The following ROBO1 variants were observed in gnomAD, a reference collection of about 807,000 sequenced individuals.
The protein encoded by ROBO1 is roundabout homolog 1.
Under a neutral mutation model 195.9 loss-of-function variants are expected in ROBO1, and 149 were observed. The ratio of observed to expected loss-of-function variants is 0.76; its 90% CI spans 0.67 to 0.87. ROBO1 has a LOEUF of 0.87. Among genes scored for constraint, ROBO1 ranks in the 40% least tolerant of loss-of-function variants. ROBO1 has a pLI of 0.00. For synonymous variants in ROBO1, 816 were observed against 733.2 expected (o/e 1.11, Z -1.82); for missense variants, 1,933 against 2,068.3 (o/e 0.93, Z 1.27).
intron 1 of ROBO1, among the ~76,000 whole-genome samples, chr3:79,608,278 TTA>T (rs1560033805): frequency 6.6e-6 from 1 of 151,984 alleles, no homozygotes; most frequent in East Asian, 1.9e-4. Flanking sequence ...TTCTCTGATA[TTA>T]TGTTTGCTCA....
rs534016021 is a variant in ROBO1 at position 78,935,460 on chromosome 3, A to G, written c.499+3141T>C. ...ATGTAATTATCCAAGATCAAATTACATATTAAATATAAGTTGTGTCAAAGA... is the reference window on the plus strand; with the variant it reads ...ATGTAATTATCCAAGATCAAATTACGTATTAAATATAAGTTGTGTCAAAGA... On this transcript the variant is annotated intron_variant, in intron 4 of 30. Transcript: ENST00000464233. 3.3e-5 allele frequency among the ~76,000 whole-genome samples: 5 copies of G among 152,206 alleles called. No individual in the cohort carries two copies. In the South Asian group the frequency reaches 8.3e-4, roughly 25 times the overall value.
chr3:79,176,165 G>A (rs996391210), intron 2 of ROBO1, among the ~76,000 whole-genome samples: 1 of 152,134 alleles, frequency 6.6e-6, no homozygotes, highest in Non-Finnish European at 1.5e-5. Context: ...TTTCTGAAAT[G>A]CAAGAGTGTG....
chr3:78,935,143 T>C (rs1306183180), intron 4 of ROBO1, among the ~76,000 whole-genome samples: 1 of 152,094 alleles, frequency 6.6e-6, no homozygotes, highest in Non-Finnish European at 1.5e-5. Flanking sequence ...AAGCAATTAC[T>C]ATTAAAAAGC....
At chr3:79,113,254 T>C (rs913116901) in intron 3 of ROBO1, among the ~76,000 whole-genome samples, 2 of 152,196 alleles carry the variant, frequency 1.3e-5, no homozygotes, top group East Asian at 1.9e-4. Context: ...AGTCAAAAGA[T>C]AGAATTTTAT....
chr3:79,205,147 C>T (rs751187763), intron 2 of ROBO1, among the ~76,000 whole-genome samples: 1 of 151,944 alleles, frequency 6.6e-6, no homozygotes, highest in African/African-American at 2.4e-5. Flanking sequence ...CGCGCACCAC[C>T]ATATCCGGTT....
chr3:79,412,551 G>C (rs1248871940), intron 2 of ROBO1, among the ~76,000 whole-genome samples: 2 of 152,242 alleles, frequency 1.3e-5, no homozygotes, highest in South Asian at 4.1e-4. Context: ...CTTGTTCACA[G>C]AGCTCTGACA....
At chr3:79,151,245 T>C (rs935824984) in intron 2 of ROBO1, among the ~76,000 whole-genome samples, 3 of 151,768 alleles carry the variant, frequency 2.0e-5, no homozygotes, top group Non-Finnish European at 4.4e-5. Flanking sequence ...GTGTCTTTAT[T>C]AGCAGCATGA....
intron 1 of ROBO1, among the ~76,000 whole-genome samples, chr3:79,728,566 A>AT (rs898131121): frequency 4.6e-5 from 7 of 152,192 alleles, no homozygotes; most frequent in African/African-American, 1.7e-4. Flanking sequence ...AATAAATCAC[A>AT]TTTTAATACT....
chr3:79,483,814 C>T (rs530203422), intron 2 of ROBO1, among the ~76,000 whole-genome samples: 3 of 151,304 alleles, frequency 2.0e-5, no homozygotes, highest in East Asian at 2.0e-4. Context: ...GGATCTGGGA[C>T]GGGGTTGGGG....
chr3:78,648,380 C>T (rs1045815367), intron 19 of ROBO1, among the ~76,000 whole-genome samples: 2 of 152,022 alleles, frequency 1.3e-5, no homozygotes, highest in African/African-American at 2.4e-5. Context: ...CTTTTAGAAG[C>T]TTCCTAGAAG....
chr3:79,220,478 C>T (rs2082119183), intron 2 of ROBO1, among the ~76,000 whole-genome samples: 2 of 151,982 alleles, frequency 1.3e-5, no homozygotes, highest in Admixed American at 6.6e-5. Context: ...ATTTCCAATT[C>T]ATTGTGATAC....
chr3:79,031,834 G>A (rs547199079), intron 3 of ROBO1, among the ~76,000 whole-genome samples: 40 of 152,214 alleles, frequency 2.6e-4, no homozygotes, highest in African/African-American at 9.1e-4. Context: ...TATAAAGATT[G>A]TTGCTTAAAA....
intron 1 of ROBO1, among the ~76,000 whole-genome samples, chr3:79,759,134 T>A (rs940911801): frequency 1.8e-4 from 28 of 152,170 alleles, no homozygotes; most frequent in Non-Finnish European, 3.7e-4. Flanking sequence ...AGTATGAGGT[T>A]TTTAATTGGA....
rs545508914 is a variant in ROBO1, at chr3:79,486,046, C to T, written c.88+103778G>A. Among the ~76,000 whole-genome samples, 3 of 152,268 alleles carry T rather than the reference C, an allele frequency of 2.0e-5. No homozygotes were observed. The South Asian group carries it at 6.2e-4, about 32-fold the overall frequency. On this transcript the variant is annotated intron_variant, in intron 2 of 30. Transcript: ENST00000464233. ...CAATTCCAGTTCTGATGCTAATAAT[C>T]ACATGTCCTTGAAAACATGTTATTC...
intron 2 of ROBO1, among the ~76,000 whole-genome samples, chr3:79,234,397 C>T (rs1323579465): frequency 2.0e-5 from 3 of 152,082 alleles, no homozygotes; most frequent in Non-Finnish European, 4.4e-5. Context: ...TTTCATTCTG[C>T]ATATAGCCAG....
intron 10 of ROBO1, among the ~76,000 whole-genome samples, chr3:78,682,366 A>T (rs2080937512): frequency 6.6e-6 from 1 of 151,254 alleles, no homozygotes; most frequent in South Asian, 2.1e-4. Context: ...CACTTTGTAC[A>T]TTTATGTCAT....
At chr3:79,185,635 A>G (rs976630774) in intron 2 of ROBO1, among the ~76,000 whole-genome samples, 16 of 152,162 alleles carry the variant, frequency 1.1e-4, no homozygotes, top group African/African-American at 3.9e-4. Context: ...CTGTTAGATC[A>G]GTGATGACAG....
intron 1 of ROBO1, among the ~76,000 whole-genome samples, chr3:79,700,853 GT>G (rs2107157520): frequency 6.6e-6 from 1 of 151,684 alleles, no homozygotes; most frequent in East Asian, 1.9e-4. Context: ...TTCAATTTTT[GT>G]TTTTATGGCA....
At chr3:79,143,012 A>T (rs1402871115) in intron 2 of ROBO1, among the ~76,000 whole-genome samples, 3 of 152,134 alleles carry the variant, frequency 2.0e-5, no homozygotes, top group African/African-American at 7.2e-5. Context: ...CATAAACCGT[A>T]AAAGTGTAAT....
Sources: allele counts gnomAD v4.1 joint callset (sites outside exome capture counted in the v4.1 genomes callset), GRCh38; gene constraint gnomAD v4.1.1; transcripts MANE v1.5; gene names NCBI Gene and HGNC (gene_info 2026-07-23, HGNC 2026-07-21).